The following DOK6 variants were observed in gnomAD, a reference collection of about 807,000 sequenced individuals.
DOK6 encodes downstream of tyrosine kinase 6.
A neutral mutation model predicts 44.0 loss-of-function variants in DOK6; 22 were observed. The observed-to-expected ratio is 0.50, with a 90% CI of 0.36 to 0.71. The LOEUF is 0.71. Among genes scored for constraint, DOK6 ranks in the 30% least tolerant of loss-of-function variants. DOK6 has a pLI of 0.00. For missense variants in DOK6, 340 were observed against 416.4 expected, an observed-to-expected ratio of 0.82 and a Z score of 1.60; for synonymous variants, 166 against 145.5, an observed-to-expected ratio of 1.14 and a Z score of -1.01.
chr18:69,652,248 C>T (rs1194339352), intron 3 of DOK6, among the ~76,000 whole-genome samples: 1 of 152,164 alleles, frequency 6.6e-6, no homozygotes, highest in East Asian at 1.9e-4. Flanking sequence ...TTATACAATA[C>T]ACTAAAAATA....
At position 69,841,156 on chromosome 18, in the gene DOK6, T is replaced by C. The variant is rs77984787; in HGVS notation, c.857-88T>C. The C allele has an allele frequency of 4.6e-4, 689 of 1,506,206 alleles. 2 individuals carry two copies. In the African/African-American group the frequency reaches 7.8e-3, roughly 17 times the overall value. 93.3% of individuals were successfully genotyped at this position (1,506,206 alleles called of 1,614,324 possible). ...TGTTTATTGTTCTTAAAAATATAGA[T>C]AGATAGATAATAGATAGATGATAGA... is the stretch of plus-strand genomic sequence containing the variant. On this transcript the variant is annotated intron_variant, in intron 7 of 7. Transcript: ENST00000382713.
chr18:69,762,594 T>C (rs1325201276), intron 7 of DOK6, among the ~76,000 whole-genome samples: 1 of 152,188 alleles, frequency 6.6e-6, no homozygotes, highest in East Asian at 1.9e-4. Flanking sequence ...GAGATCAATA[T>C]GAATTAAATT....
At chr18:69,547,044 A>G (rs77630416) in intron 1 of DOK6, among the ~76,000 whole-genome samples, 2,108 of 151,616 alleles carry the variant, frequency 0.014, 65 homozygotes, top group African/African-American at 0.048. Flanking sequence ...TTTCACGTGG[A>G]AAAAGCAGGA....
At chr18:69,610,602 A>G (rs973449726) in intron 3 of DOK6, among the ~76,000 whole-genome samples, 21 of 152,330 alleles carry the variant, frequency 1.4e-4, no homozygotes, top group African/African-American at 5.1e-4. Context: ...AAGTATATAC[A>G]ATGAACACAG....
intron 7 of DOK6, among the ~76,000 whole-genome samples, chr18:69,763,411 G>T (rs1283189744): frequency 6.6e-6 from 1 of 152,160 alleles, no homozygotes; most frequent in Non-Finnish European, 1.5e-5. Context: ...TAGAGATGTT[G>T]TCTCTAGACT....
At chr18:69,576,713 G>A (rs1294430165) in intron 2 of DOK6, among the ~76,000 whole-genome samples, 2 of 152,102 alleles carry the variant, frequency 1.3e-5, no homozygotes, top group Admixed American at 6.6e-5. Context: ...GCTGCTGAGG[G>A]AAGTTATTAA....
intron 6 of DOK6, among the ~76,000 whole-genome samples, chr18:69,756,172 G>A (rs1979347699): frequency 6.6e-6 from 1 of 152,158 alleles, no homozygotes; most frequent in South Asian, 2.1e-4. Flanking sequence ...GTTCCCCGGG[G>A]AGCCTTCCTT....
chr18:69,541,557 G>T lies in DOK6; in HGVS notation c.67-22930G>T, dbSNP rs915656254. On this transcript the variant is annotated intron_variant, in intron 1 of 7. Coordinates refer to ENST00000382713, the MANE Select transcript of DOK6 (RefSeq NM_152721.6). ...ATCTAGGTTTGAAATAATCGATACT[G>T]GTCCTTTATTAATCTTAGGCATGAG... Among the ~76,000 whole-genome samples, 2 of 151,372 alleles carry T rather than the reference G, an allele frequency of 1.3e-5. 1 individual carries two copies. Among genetic ancestry groups the T allele is most frequent in the Non-Finnish European group, 3.0e-5 (2 of 67,680 alleles).
intron 5 of DOK6, among the ~76,000 whole-genome samples, chr18:69,725,231 G>T (rs973441571): frequency 1.3e-5 from 2 of 152,140 alleles, no homozygotes; most frequent in African/African-American, 2.4e-5. Context: ...CAGCTTTCCC[G>T]ATCACCACCC....
intron 4 of DOK6, among the ~76,000 whole-genome samples, chr18:69,688,660 T>C (rs540927084): frequency 3.9e-5 from 6 of 152,236 alleles, no homozygotes; most frequent in Admixed American, 2.0e-4. Context: ...GCAGCTGGGA[T>C]TGCAGGCACC....
chr18:69,610,595 T>C (rs962412177), intron 3 of DOK6, among the ~76,000 whole-genome samples: 1 of 152,062 alleles, frequency 6.6e-6, no homozygotes, highest in African/African-American at 2.4e-5. Context: ...ACCCAAGAAG[T>C]ATATACAATG....
At chr18:69,508,857 CAG>C (rs1242886114) in intron 1 of DOK6, among the ~76,000 whole-genome samples, 1 of 152,112 alleles carries the variant, frequency 6.6e-6, no homozygotes. Flanking sequence ...GTGATATAGA[CAG>C]AGTCTGATGG....
chr18:69,584,971 G>A (rs1454664862), intron 2 of DOK6, among the ~76,000 whole-genome samples: 1 of 151,416 alleles, frequency 6.6e-6, no homozygotes, highest in African/African-American at 2.4e-5. Context: ...TAGCTTGCCA[G>A]AGGTCTCTTA....
intron 7 of DOK6, among the ~76,000 whole-genome samples, chr18:69,825,776 C>T (rs146913312): frequency 3.3e-5 from 5 of 151,448 alleles, no homozygotes; most frequent in African/African-American, 9.7e-5. Context: ...GAAAGTAAAA[C>T]GTAAAGAGAT....
intron 4 of DOK6, among the ~76,000 whole-genome samples, chr18:69,692,658 G>A (rs1485602665): frequency 6.6e-6 from 1 of 152,190 alleles, no homozygotes; most frequent in Non-Finnish European, 1.5e-5. Flanking sequence ...CTCCTATTTA[G>A]AGTTGACATT....
chr18:69,621,922 T>C (rs1484991150), intron 3 of DOK6, among the ~76,000 whole-genome samples: 2 of 152,198 alleles, frequency 1.3e-5, no homozygotes, highest in Admixed American at 6.5e-5. Flanking sequence ...TAATTAAAAG[T>C]TCATTCTGAT....
chr18:69,746,012 A>G (rs909817397), intron 6 of DOK6, among the ~76,000 whole-genome samples: 2 of 152,198 alleles, frequency 1.3e-5, no homozygotes, highest in Admixed American at 1.3e-4. Context: ...TAAGAAATTT[A>G]ACGTTTTATG....
At chr18:69,534,474 T>G (rs1234068079) in intron 1 of DOK6, among the ~76,000 whole-genome samples, 1 of 152,170 alleles carries the variant, frequency 6.6e-6, no homozygotes, top group African/African-American at 2.4e-5. Flanking sequence ...GTAATACACT[T>G]ATTATTCTAT....
chr18:69,550,901 A>G (rs1418094428), intron 1 of DOK6, among the ~76,000 whole-genome samples: 1 of 150,942 alleles, frequency 6.6e-6, no homozygotes, highest in African/African-American at 2.4e-5. Flanking sequence ...CTTCTGCCTC[A>G]GCCTCCTGAG....
Sources: allele counts gnomAD v4.1 joint callset (sites outside exome capture counted in the v4.1 genomes callset), GRCh38; gene constraint gnomAD v4.1.1; transcripts MANE v1.5; gene names NCBI Gene and HGNC (gene_info 2026-07-23, HGNC 2026-07-21).